The following CNTN4 variants were observed in gnomAD, a reference collection of about 807,000 sequenced individuals.
CNTN4 encodes contactin 4.
CNTN4 carries 77 observed loss-of-function variants against 122.5 expected under a neutral mutation model. The observed-to-expected ratio is 0.63, with a 90% CI of 0.52 to 0.76. The LOEUF is 0.76. Among genes scored for constraint, CNTN4 ranks in the 30% least tolerant of loss-of-function variants. The pLI is 0.00. For synonymous variants in CNTN4, 512 were observed against 447.0 expected, an observed-to-expected ratio of 1.15 and a Z score of -1.83; for missense variants, 1,256 against 1,259.1, an observed-to-expected ratio of 1.00 and a Z score of 0.04.
At chr3:2,397,918 G>A (rs1054487106) in intron 3 of CNTN4, among the ~76,000 whole-genome samples, 4 of 152,016 alleles carry the variant, frequency 2.6e-5, no homozygotes, top group African/African-American at 9.7e-5. Context: ...ATTATTTTAT[G>A]GGGTTGAATT....
intron 2 of CNTN4, among the ~76,000 whole-genome samples, chr3:2,239,764 A>G (rs1266952524): frequency 6.6e-6 from 1 of 152,220 alleles, no homozygotes; most frequent in Non-Finnish European, 1.5e-5. Flanking sequence ...TAGGGATAAG[A>G]CAATAAAAGG....
At chr3:2,871,575 T>TATTGGACC (rs1406248074) in intron 8 of CNTN4, among the ~76,000 whole-genome samples, 2 of 152,166 alleles carry the variant, frequency 1.3e-5, no homozygotes, top group East Asian at 3.8e-4. Context: ...TGATAAAGAT[T>TATTGGACC]ATTGGACCTA....
chr3:2,350,894 C>T (rs1490131771), intron 3 of CNTN4, among the ~76,000 whole-genome samples: 1 of 152,104 alleles, frequency 6.6e-6, no homozygotes, highest in African/African-American at 2.4e-5. Context: ...TGTTTGAAGC[C>T]ATTTGCTACA....
intron 20 of CNTN4, among the ~76,000 whole-genome samples, chr3:3,040,681 C>T (rs1700083469): frequency 6.6e-6 from 1 of 152,120 alleles, no homozygotes; most frequent in Admixed American, 6.5e-5. Flanking sequence ...AATCCCAACA[C>T]TTTTGGGAGG....
At chr3:2,969,784 A>T (rs978112951) in intron 13 of CNTN4, among the ~76,000 whole-genome samples, 7 of 152,146 alleles carry the variant, frequency 4.6e-5, no homozygotes, top group African/African-American at 1.4e-4. Context: ...AAGGCTAAAA[A>T]ATTAGGAGTA....
intron 5 of CNTN4, among the ~76,000 whole-genome samples, chr3:2,736,791 T>C (rs3051897): frequency 1.3e-3 from 195 of 150,504 alleles, no homozygotes; most frequent in South Asian, 5.7e-3. Flanking sequence ...TATTTATTTA[T>C]TTATTTATTT....
intron 13 of CNTN4, among the ~76,000 whole-genome samples, chr3:2,980,214 T>C (rs1693833786): frequency 6.6e-6 from 1 of 152,204 alleles, no homozygotes; most frequent in South Asian, 2.1e-4. Flanking sequence ...TTCTCTATGC[T>C]CTAGGTAATT....
intron 21 of CNTN4, 194 bp from the exon 22 acceptor site, chr3:3,042,783 A>C: frequency 1.6e-6 from 1 of 619,042 alleles, no homozygotes; most frequent in Non-Finnish European, 2.8e-6. Context: ...TAGGAAGCTA[A>C]GGACAAAAAA....
At chr3:2,380,057 CAA>C (rs5846182) in intron 3 of CNTN4, among the ~76,000 whole-genome samples, 11 of 119,790 alleles carry the variant, frequency 9.2e-5, no homozygotes, top group Admixed American at 2.5e-4. Flanking sequence ...AACTCCATCT[CAA>C]AAAAAAAAAA....
At chr3:2,769,792 A>G (rs895000801) in intron 6 of CNTN4, among the ~76,000 whole-genome samples, 2 of 152,212 alleles carry the variant, frequency 1.3e-5, no homozygotes, top group Non-Finnish European at 1.5e-5. Flanking sequence ...CCTGCAGCAC[A>G]GGCCCTTAGA....
At chr3:2,773,913 C>T (rs1412157333) in intron 6 of CNTN4, among the ~76,000 whole-genome samples, 1 of 151,948 alleles carries the variant, frequency 6.6e-6, no homozygotes, top group Non-Finnish European at 1.5e-5. Context: ...GCACCCGCCA[C>T]CACATCTGGC....
intron 2 of CNTN4, among the ~76,000 whole-genome samples, chr3:2,207,640 C>G (rs972243512): frequency 4.6e-5 from 7 of 152,042 alleles, no homozygotes; most frequent in African/African-American, 1.2e-4. Context: ...TTGAAGCTAG[C>G]AGAGGTTGGT....
chr3:2,207,131 G>T (rs990012879), intron 2 of CNTN4, among the ~76,000 whole-genome samples: 1 of 152,004 alleles, frequency 6.6e-6, no homozygotes, highest in Non-Finnish European at 1.5e-5. Context: ...GAACTTAATT[G>T]ATAAGTGTAG....
At position 2,601,961 on chromosome 3, in the gene CNTN4, C is replaced by T. The variant is rs2081065639; in HGVS notation, c.55+30403C>T. Among the ~76,000 whole-genome samples the T allele has an allele frequency of 3.3e-5, 5 of 152,058 alleles. No homozygotes were observed. The South Asian group carries it at 1.0e-3, about 32-fold the overall frequency. On this transcript the variant is annotated intron_variant, in intron 4 of 24. Transcript: ENST00000418658. ...ACATACGCAAATCAATAAACGTAAT[C>T]CATCATATAAACAGAACCAATGACA...
rs577132212 is a variant in CNTN4, at chr3:2,648,690, G to A, written c.55+77132G>A. Among the ~76,000 whole-genome samples, 8 of 152,136 alleles carry A rather than the reference G, an allele frequency of 5.3e-5. No individual in the cohort carries two copies. In the South Asian group the frequency reaches 1.5e-3, roughly 28 times the overall value. On this transcript the variant is annotated intron_variant, in intron 4 of 24. Transcript: ENST00000418658. ...TAGGCCAATTACTAACCCCACCGTG[G>A]CCCCTAAGTGTTCAAATGAGAGGAA... is the stretch of plus-strand genomic sequence containing the variant.
chr3:2,865,439 T>C (rs999516101), intron 7 of CNTN4, among the ~76,000 whole-genome samples: 2 of 152,182 alleles, frequency 1.3e-5, no homozygotes, highest in Admixed American at 6.5e-5. Context: ...TGAAGTGACC[T>C]TTCTGCTATT....
intron 14 of CNTN4, among the ~76,000 whole-genome samples, chr3:3,012,385 G>A (rs1022639934): frequency 6.6e-6 from 1 of 152,054 alleles, no homozygotes; most frequent in Non-Finnish European, 1.5e-5. Flanking sequence ...GTAATAGCTA[G>A]CATTTTTTGA....
At chr3:2,240,109 T>C (rs1461420781) in intron 2 of CNTN4, among the ~76,000 whole-genome samples, 1 of 152,200 alleles carries the variant, frequency 6.6e-6, no homozygotes, top group African/African-American at 2.4e-5. Flanking sequence ...CTAAGAATGC[T>C]AATCTTAGTT....
chr3:2,528,270 A>G (rs1229894542), intron 3 of CNTN4, among the ~76,000 whole-genome samples: 2 of 152,138 alleles, frequency 1.3e-5, no homozygotes, highest in African/African-American at 4.8e-5. Flanking sequence ...GAAACCTCTA[A>G]AATTTTATTA....
Sources: allele counts gnomAD v4.1 joint callset (sites outside exome capture counted in the v4.1 genomes callset), GRCh38; gene constraint gnomAD v4.1.1; transcripts MANE v1.5; gene names NCBI Gene and HGNC (gene_info 2026-07-23, HGNC 2026-07-21).